SLC17A8: variants seen among roughly 807,000 people sequenced by gnomAD.
SLC17A8 encodes vesicular glutamate transporter 3.
A neutral mutation model predicts 58.0 loss-of-function variants in SLC17A8; 31 were observed. The observed-to-expected ratio is 0.53, with a 90% CI of 0.40 to 0.72. The LOEUF (loss-of-function observed/expected upper bound fraction) is 0.72, where lower values mean the gene tolerates loss of function less well. Among genes scored for constraint, SLC17A8 ranks in the 30% least tolerant of loss-of-function variants. The pLI, the probability that SLC17A8 is intolerant of heterozygous loss-of-function variation, is 0.00. For synonymous variants in SLC17A8, 228 were observed against 249.0 expected (o/e 0.92, Z 0.79); for missense variants, 655 against 727.8 (o/e 0.90, Z 1.15).
intron 5 of SLC17A8, among the ~76,000 whole-genome samples, chr12:100,401,354 T>C (rs1952790000): frequency 6.6e-6 from 1 of 152,026 alleles, no homozygotes; most frequent in Non-Finnish European, 1.5e-5. Context: ...TTTTAAATAA[T>C]TCAATGTCCC....
At chr12:100,376,005 C>T (rs187202905) in intron 1 of SLC17A8, among the ~76,000 whole-genome samples, 10 of 152,188 alleles carry the variant, frequency 6.6e-5, no homozygotes, top group African/African-American at 1.7e-4. Flanking sequence ...GAGGTCCTTA[C>T]GGTAGGCCCT....
rs895562623 is a variant in SLC17A8 at position 100,421,136 on chromosome 12, G to A, written c.*977G>A. On this transcript the variant is annotated 3_prime_UTR_variant, in exon 12 of 12. Coordinates refer to ENST00000323346, the MANE Select transcript of SLC17A8 (RefSeq NM_139319.3). Reference sequence around the variant, plus strand: ...TTCAACTTTCCATAATATTAAGAATGTAGCTAAATGATGTCCCAAACTACT... The same window carrying A: ...TTCAACTTTCCATAATATTAAGAATATAGCTAAATGATGTCCCAAACTACT... The A allele has an allele frequency of 6.6e-6, 1 of 152,176 alleles. No homozygotes were observed. Among genetic ancestry groups the A allele is most frequent in the Non-Finnish European group, 1.5e-5 (1 of 68,026 alleles). The allele number at this position is 152,176 out of a possible 1,614,324, so 9.4% of individuals were successfully genotyped here.
intron 4 of SLC17A8, among the ~76,000 whole-genome samples, chr12:100,394,400 T>C (rs987536787): frequency 1.3e-5 from 1 of 74,988 alleles, no homozygotes; most frequent in African/African-American, 3.0e-5. Flanking sequence ...ATCTTTTCCT[T>C]TTTTTTTTTT....
chr12:100,419,852 C>T lies in SLC17A8; in HGVS notation c.1463C>T (p.Ala488Val). 11 of 1,613,970 alleles carry T rather than the reference C, an allele frequency of 6.8e-6. No individual in the cohort carries two copies. Among genetic ancestry groups the T allele is most frequent in the African/African-American group, 1.3e-5 (1 of 75,036 alleles). Residue 488 changes from alanine to valine, a missense_variant, in exon 12 of 12, where the codon GCC (alanine) becomes GTC (valine). Transcript: ENST00000323346. ...TGGCAGAATGTGTTCCTCATAGCTG[C>T]CCTGGTGCATTACAGTGGTGTGATC... ...EEWQNVFLIA[A>V]LVHYSGVIFY...
At chr12:100,413,334 C>T (rs986595856) in intron 10 of SLC17A8, among the ~76,000 whole-genome samples, 5 of 152,232 alleles carry the variant, frequency 3.3e-5, no homozygotes, top group Non-Finnish European at 5.9e-5. Context: ...TTTTTGTCTA[C>T]TCCATTGCTT....
chr12:100,359,558 G>A (rs961957136), intron 1 of SLC17A8, among the ~76,000 whole-genome samples: 2 of 152,188 alleles, frequency 1.3e-5, no homozygotes, highest in Non-Finnish European at 2.9e-5. Context: ...ATATTGTCAT[G>A]GTTGTCCTAA....
In SLC17A8 at chr12:100,362,422, G is replaced by A. The variant is rs1202584256; in HGVS notation, c.101+4930G>A. Reference sequence around the variant, plus strand: ...AATTTTTAAAATAATAGAGATGGGGGTCTCACCATGTTGATTAGGCTGGTC... The same window carrying A: ...AATTTTTAAAATAATAGAGATGGGGATCTCACCATGTTGATTAGGCTGGTC... On this transcript the variant is annotated intron_variant, in intron 1 of 11. Coordinates refer to ENST00000323346, the MANE Select transcript of SLC17A8 (RefSeq NM_139319.3). Among the ~76,000 whole-genome samples the A allele has an allele frequency of 3.9e-5, 6 of 152,040 alleles. No individual in the cohort carries two copies. In the East Asian group the frequency reaches 7.7e-4, roughly 20 times the overall value.
chr12:100,362,972 A>G (rs917744374), intron 1 of SLC17A8, among the ~76,000 whole-genome samples: 1 of 152,158 alleles, frequency 6.6e-6, no homozygotes, highest in Non-Finnish European at 1.5e-5. Flanking sequence ...GTATCAGGAG[A>G]TGTCCCAGCA....
Position 100,357,460 on chromosome 12 carries a change from C to A in SLC17A8, c.69C>A (p.Asn23Lys), listed in dbSNP as rs771889010. Residue 23 changes from asparagine to lysine, a missense_variant, in exon 1 of 12, where the codon AAC (asparagine) becomes AAA (lysine). Coordinates refer to ENST00000323346, the MANE Select transcript of SLC17A8 (RefSeq NM_139319.3). ...AACCTGGGAAGGAAGGAGTGAAGAA[C>A]GCCGTGGGAGATTCTTTGGGAATTT... ...ILKPGKEGVK[N>K]AVGDSLGILQ... 7 of 1,613,558 alleles carry A rather than the reference C, an allele frequency of 4.3e-6. No individual in the cohort carries two copies. The highest frequency in any genetic ancestry group is 3.3e-5 in the Admixed American group (2 of 59,994).
At chr12:100,362,563 C>T (rs918456642) in intron 1 of SLC17A8, among the ~76,000 whole-genome samples, 10 of 152,034 alleles carry the variant, frequency 6.6e-5, no homozygotes, top group Admixed American at 2.0e-4. Context: ...ATACAGCAAC[C>T]GTGACCTGCT....
intron 10 of SLC17A8, among the ~76,000 whole-genome samples, chr12:100,414,480 A>G (rs1566405139): frequency 6.6e-6 from 1 of 152,158 alleles, no homozygotes; most frequent in Non-Finnish European, 1.5e-5. Flanking sequence ...AATTATGAAA[A>G]CTCTCAAGCT....
At chr12:100,385,254 T>TTTTTTA (rs11411077) in intron 2 of SLC17A8, among the ~76,000 whole-genome samples, 1 of 149,422 alleles carries the variant, frequency 6.7e-6, no homozygotes, top group African/African-American at 2.5e-5. Flanking sequence ...TTTTTTTTTT[T>TTTTTTA]GAGACAGAAT....
chr12:100,410,160 G>A (rs1013777808), intron 9 of SLC17A8, among the ~76,000 whole-genome samples: 7 of 152,050 alleles, frequency 4.6e-5, no homozygotes, highest in African/African-American at 1.7e-4. Context: ...AGAAGTTGGA[G>A]ACCAGCCTGG....
intron 1 of SLC17A8, among the ~76,000 whole-genome samples, chr12:100,367,368 G>C (rs370553089): frequency 6.6e-6 from 1 of 151,998 alleles, no homozygotes; most frequent in Non-Finnish European, 1.5e-5. Context: ...GTAATTCATC[G>C]CTATGACTGG....
At chr12:100,378,110 A>G (rs1459950005) in intron 1 of SLC17A8, among the ~76,000 whole-genome samples, 2 of 152,176 alleles carry the variant, frequency 1.3e-5, no homozygotes, top group African/African-American at 2.4e-5. Flanking sequence ...GCCTGCTTAG[A>G]TGTCCAGAGG....
chr12:100,389,544 T>C (rs1248182688), intron 2 of SLC17A8, among the ~76,000 whole-genome samples: 5 of 151,994 alleles, frequency 3.3e-5, no homozygotes, highest in Non-Finnish European at 7.4e-5. Flanking sequence ...CATTCATTGC[T>C]ATTTTGTGTT....
chr12:100,402,108 C>A (rs1018701797), intron 6 of SLC17A8, among the ~76,000 whole-genome samples: 2 of 152,112 alleles, frequency 1.3e-5, no homozygotes, highest in Non-Finnish European at 2.9e-5. Flanking sequence ...ATACTTACCC[C>A]TAGCTGAACA....
At chr12:100,399,401 A>G (rs1388559328) in intron 5 of SLC17A8, among the ~76,000 whole-genome samples, 1 of 152,184 alleles carries the variant, frequency 6.6e-6, no homozygotes, top group Non-Finnish European at 1.5e-5. Flanking sequence ...AAAGAAGGGT[A>G]GTTTAGGTCA....
intron 1 of SLC17A8, among the ~76,000 whole-genome samples, chr12:100,358,633 G>A (rs901832912): frequency 6.6e-6 from 1 of 152,120 alleles, no homozygotes; most frequent in African/African-American, 2.4e-5. Flanking sequence ...TGAAAACCTA[G>A]CTCAGTGACA....
Sources: gnomAD v4.1 joint callset for allele counts (sites outside exome capture counted in the v4.1 genomes callset) on GRCh38, gnomAD v4.1.1 for gene constraint, MANE v1.5 for transcripts, NCBI Gene and HGNC (gene_info 2026-07-23, HGNC 2026-07-21) for gene names.